IFT80: variants seen among roughly 807,000 people sequenced by gnomAD.
IFT80 encodes intraflagellar transport 80, also known as intraflagellar transport protein 80 homolog.
In IFT80, 79 loss-of-function variants were observed where a neutral mutation model predicts 107.9. That is an observed-to-expected ratio of 0.73 (90% confidence interval 0.61 to 0.88). The LOEUF (loss-of-function observed/expected upper bound fraction) is 0.88, where lower values mean the gene tolerates loss of function less well. IFT80 is among the 40% of genes least tolerant of loss of function. The probability of loss-of-function intolerance (pLI) is 0.00; values close to 1 mark genes in which losing one functional copy is unlikely to be tolerated. For synonymous variants in IFT80, 299 were observed against 300.9 expected (o/e 0.99, Z 0.07); for missense variants, 797 against 914.2 (o/e 0.87, Z 1.65).
chr3:160,267,217 T>A (rs1268831177), intron 19 of IFT80, among the ~76,000 whole-genome samples: 2 of 152,190 alleles, frequency 1.3e-5, no homozygotes, highest in Non-Finnish European at 1.5e-5. Context: ...ATCAAGACAC[T>A]ACGTATTCTA....
chr3:160,337,364 G>A lies in IFT80; in HGVS notation c.778-17425C>T, dbSNP rs971157523. Among the ~76,000 whole-genome samples, 9 of 152,242 alleles carry A rather than the reference G, an allele frequency of 5.9e-5. 1 individual carries two copies. Among genetic ancestry groups the A allele is most frequent in the African/African-American group, 9.6e-5 (4 of 41,540 alleles). On this transcript the variant is annotated intron_variant, in intron 8 of 19. Coordinates refer to ENST00000326448, the MANE Select transcript of IFT80 (RefSeq NM_020800.3). ...GAATGAGCCAGGCGTGGTGGTTCACGCCTCTAATCCCAGCACTGTGGGAGG... is the reference window on the plus strand; with the variant it reads ...GAATGAGCCAGGCGTGGTGGTTCACACCTCTAATCCCAGCACTGTGGGAGG...
chr3:160,307,654 G>C lies in IFT80; in HGVS notation c.1076+9C>G, dbSNP rs139408398. ...AACTCTGAAATTTTAAGAAATGCAA[G>C]ATGCTTACGAGAACACGTAACATTG... On this transcript the variant is annotated intron_variant, in intron 10 of 19. Coordinates refer to ENST00000326448, the MANE Select transcript of IFT80 (RefSeq NM_020800.3). 672 of 1,347,530 alleles carry C rather than the reference G, an allele frequency of 5.0e-4. 4 individuals carry two copies. In the African/African-American group the frequency reaches 8.5e-3, roughly 17 times the overall value. The allele number at this position is 1,347,530 out of a possible 1,614,324, so 83.5% of individuals were successfully genotyped here. A position where few individuals can be genotyped will look rare whatever the true frequency, so the allele number is the denominator to read the frequency against.
At chr3:160,329,294 A>T (rs1251859908) in intron 8 of IFT80, among the ~76,000 whole-genome samples, 1 of 152,142 alleles carries the variant, frequency 6.6e-6, no homozygotes, top group Non-Finnish European at 1.5e-5. Flanking sequence ...TTCCCCAAAT[A>T]TGCCATGAGA....
intron 11 of IFT80, among the ~76,000 whole-genome samples, chr3:160,303,264 T>C (rs1172776297): frequency 6.6e-6 from 1 of 152,198 alleles, no homozygotes; most frequent in Non-Finnish European, 1.5e-5. Flanking sequence ...TCTGATTCAG[T>C]AGGCTATCAC....
chr3:160,362,647 C>A (rs1043115064), intron 6 of IFT80, among the ~76,000 whole-genome samples: 9 of 152,148 alleles, frequency 5.9e-5, no homozygotes, highest in Non-Finnish European at 1.3e-4. Context: ...CTGAATCCAG[C>A]AGCACATCAA....
intron 18 of IFT80, 138 bp downstream of exon 18, chr3:160,277,168 C>T (rs1559914553): frequency 1.3e-6 from 1 of 774,780 alleles, no homozygotes; most frequent in Non-Finnish European, 2.2e-6. Context: ...AAACTATTCA[C>T]AAATATGAAT....
In IFT80 at chr3:160,282,482, C is replaced by G. The variant is rs772287249; in HGVS notation, c.1512G>C (p.Lys504Asn). 6.3e-7 allele frequency: 1 copy of G among 1,581,158 alleles called. No individual in the cohort carries two copies. Among genetic ancestry groups the G allele is most frequent in the Admixed American group, 1.7e-5 (1 of 58,546 alleles). ...KRFGKEEQII[K>N]LGTMVHTLAW... ...AATGTATTAAAATTATTTTACCAAG[C>G]TTGATAATTTGTTCTTCCTTCCCAA... The change falls in exon 14 of 20, where the codon AAG becomes AAC. Residue 504 changes from lysine (K) to asparagine (N), a missense_variant. Coordinates refer to ENST00000326448, the MANE Select transcript of IFT80 (RefSeq NM_020800.3).
intron 5 of IFT80, among the ~76,000 whole-genome samples, chr3:160,371,544 A>G (rs901247473): frequency 3.3e-5 from 5 of 152,110 alleles, no homozygotes; most frequent in Non-Finnish European, 7.4e-5. Context: ...ACGGGCTCAG[A>G]TGATCCTCTC....
intron 2 of IFT80, chr3:160,383,309 G>C (rs1712673953): frequency 4.7e-6 from 1 of 214,712 alleles, no homozygotes; most frequent in Non-Finnish European, 8.0e-6. Context: ...ATTGTGTATG[G>C]TGTGAACTCT....
intron 8 of IFT80, among the ~76,000 whole-genome samples, chr3:160,328,321 G>T (rs1718824042): frequency 6.6e-6 from 1 of 151,940 alleles, no homozygotes; most frequent in Admixed American, 6.6e-5. Flanking sequence ...AATTAGCCAG[G>T]CATGGTGGCA....
At chr3:160,266,816 A>G (rs1383115256) in intron 19 of IFT80, among the ~76,000 whole-genome samples, 1 of 152,198 alleles carries the variant, frequency 6.6e-6, no homozygotes, top group East Asian at 1.9e-4. Flanking sequence ...GCTCAGTTTT[A>G]ACATATGATC....
intron 6 of IFT80, 118 bp downstream of exon 6, chr3:160,365,925 G>C: frequency 1.3e-6 from 1 of 765,690 alleles, no homozygotes; most frequent in Non-Finnish European, 2.4e-6. Context: ...ATTAAACCAT[G>C]TACTTAAAGA....
At chr3:160,386,080 C>A (rs957429883) in intron 1 of IFT80, among the ~76,000 whole-genome samples, 3 of 152,142 alleles carry the variant, frequency 2.0e-5, no homozygotes, top group Non-Finnish European at 4.4e-5. Flanking sequence ...AAATCATAAT[C>A]CTCTATAAAT....
chr3:160,359,782 TAACA>T (rs1170009766), intron 6 of IFT80, among the ~76,000 whole-genome samples: 1 of 152,102 alleles, frequency 6.6e-6, no homozygotes, highest in Non-Finnish European at 1.5e-5. Context: ...GAAGGAAAAC[TAACA>T]AACAGAAAGG....
At chr3:160,264,224 C>T (rs1353433135) in intron 19 of IFT80, among the ~76,000 whole-genome samples, 1 of 151,778 alleles carries the variant, frequency 6.6e-6, no homozygotes, top group African/African-American at 2.4e-5. Flanking sequence ...ATTCTCCCAC[C>T]TAAGCTTCCA....
intron 1 of IFT80, among the ~76,000 whole-genome samples, chr3:160,393,671 T>A (rs190124255): frequency 6.6e-6 from 1 of 152,088 alleles, no homozygotes; most frequent in Non-Finnish European, 1.5e-5. Context: ...AAAAAGATGG[T>A]TTTTAAAAAA....
At chr3:160,303,819 T>C (rs1716619488) in intron 11 of IFT80, 96 bp downstream of exon 11, 3 of 772,194 alleles carry the variant, frequency 3.9e-6, no homozygotes, top group South Asian at 1.5e-5. Context: ...TCTAAATGAC[T>C]AGTATACCAT....
At chr3:160,287,270 G>A (rs986235463) in intron 12 of IFT80, among the ~76,000 whole-genome samples, 9 of 152,048 alleles carry the variant, frequency 5.9e-5, no homozygotes, top group African/African-American at 2.2e-4. Context: ...GTGAATTATC[G>A]AACTTGAAGG....
chr3:160,321,404 A>C (rs755997963), intron 8 of IFT80, among the ~76,000 whole-genome samples: 4 of 151,962 alleles, frequency 2.6e-5, no homozygotes, highest in Admixed American at 6.6e-5. Flanking sequence ...TCTCTTTCTA[A>C]ATCTAGTCTA....
Sources: allele counts gnomAD v4.1 joint callset (sites outside exome capture counted in the v4.1 genomes callset), GRCh38; gene constraint gnomAD v4.1.1; transcripts MANE v1.5; gene names NCBI Gene and HGNC (gene_info 2026-07-23, HGNC 2026-07-21).